The following NCR1 variants were observed in gnomAD, a reference collection of about 807,000 sequenced individuals.
The protein encoded by NCR1 is natural cytotoxicity triggering receptor 1, also known as NK cell-activating receptor.
NCR1 carries 30 observed loss-of-function variants against 32.5 expected under a neutral mutation model. The observed-to-expected ratio is 0.92, with a 90% CI of 0.69 to 1.25. NCR1 has a LOEUF of 1.25. Among genes scored for constraint, NCR1 ranks in the 50% most tolerant of loss-of-function variants. NCR1 has a pLI of 0.00. For missense variants in NCR1, 369 were observed against 380.7 expected, an observed-to-expected ratio of 0.97 and a Z score of 0.26; for synonymous variants, 169 against 143.4, an observed-to-expected ratio of 1.18 and a Z score of -1.28.
At chr19:54,921,772 C>CAAAAAAA in the NCR1 span, among the ~76,000 whole-genome samples, 2 of 93,934 alleles carry the variant, frequency 2.1e-5, no homozygotes, top group Non-Finnish European at 4.2e-5. Flanking sequence ...GACTCCATCT[C>CAAAAAAA]AAAAAAAAAA....
Position 54,913,044 on chromosome 19 carries a change from A to C in NCR1, c.*173A>C. ...ACGATGCAGAGGGTGGGAGAACTAC[A>C]TGCTAAATTTCTTTTTTTTTTTTTT... On this transcript the variant is annotated 3_prime_UTR_variant, in exon 7 of 7. Coordinates refer to ENST00000291890, the MANE Select transcript of NCR1 (RefSeq NM_004829.7). 1 of 532,946 alleles carries C rather than the reference A, an allele frequency of 1.9e-6. No homozygotes were observed. Among genetic ancestry groups the C allele is most frequent in the Non-Finnish European group, 3.1e-6 (1 of 320,910 alleles). The allele number at this position is 532,946 out of a possible 1,614,324, so 33.0% of individuals were successfully genotyped here.
At chr19:54,900,055 G>C in the NCR1 span, among the ~76,000 whole-genome samples, 1 of 152,156 alleles carries the variant, frequency 6.6e-6, no homozygotes, top group Non-Finnish European at 1.5e-5. Context: ...AAATTGGTGA[G>C]ATGTTCCTTG....
At chr19:54,902,751 A>AG (rs1337623765), upstream of NCR1, among the ~76,000 whole-genome samples, 1 of 152,132 alleles carries the variant, frequency 6.6e-6, no homozygotes, top group East Asian at 1.9e-4. Flanking sequence ...AGCGCTCCGT[A>AG]GGGGGAAGGA....
At chr19:54,917,630 C>G (rs1174030446), downstream of NCR1, among the ~76,000 whole-genome samples, 2 of 152,092 alleles carry the variant, frequency 1.3e-5, no homozygotes, top group Non-Finnish European at 2.9e-5. Context: ...TCCTGCACCT[C>G]TCTAGCCTAG....
the NCR1 span, among the ~76,000 whole-genome samples, chr19:54,928,876 C>A: frequency 1.3e-5 from 2 of 151,908 alleles, no homozygotes; most frequent in Non-Finnish European, 2.9e-5. Context: ...GATCTCGGCT[C>A]ACTGCAACCT....
Position 54,906,724 on chromosome 19 carries a change from G to T in NCR1, c.272G>T (p.Arg91Leu), listed in dbSNP as rs114139466. 1.5e-4 allele frequency: 240 copies of T among 1,614,180 alleles called. 1 individual carries two copies. The African/African-American group carries it at 3.0e-3, about 20-fold the overall frequency. Reference sequence around the variant, plus strand: ...TTCTACATCCCGGACATGAACTCCCGCATGGCAGGGCAATACAGCTGCATC... The same window carrying T: ...TTCTACATCCCGGACATGAACTCCCTCATGGCAGGGCAATACAGCTGCATC... ...VQFYIPDMNS[R>L]MAGQYSCIYR... Residue 91 changes from arginine to leucine, a missense_variant, in exon 3 of 7, where the codon CGC becomes CTC. Transcript: ENST00000291890.
At chr19:54,934,796 G>A in the NCR1 span, 191 of 678,338 alleles carry the variant, frequency 2.8e-4, 2 homozygotes, top group Non-Finnish European at 3.9e-4. The surrounding 1 kb of genome is among the most constrained non-coding windows in gnomAD (Gnocchi z 6.7). Flanking sequence ...TGCAGCCTCC[G>A]CCTCCCGGGT....
chr19:54,902,580 A>G (rs1178704745), upstream of NCR1, among the ~76,000 whole-genome samples: 1 of 152,040 alleles, frequency 6.6e-6, no homozygotes. Context: ...AATTCTTTAA[A>G]CTATTTTTGC....
chr19:54,904,038 A>C (rs1022963519), upstream of NCR1, among the ~76,000 whole-genome samples: 3 of 150,856 alleles, frequency 2.0e-5, no homozygotes, highest in Admixed American at 2.0e-4. Flanking sequence ...AGGCAGGAGA[A>C]TTGCTTGAAC....
upstream of NCR1, among the ~76,000 whole-genome samples, chr19:54,903,878 A>T (rs1357282741): frequency 6.6e-6 from 1 of 151,842 alleles, no homozygotes; most frequent in Non-Finnish European, 1.5e-5. Context: ...TAATCCCAGC[A>T]CTTTGAGAGG....
the NCR1 span, among the ~76,000 whole-genome samples, chr19:54,929,319 C>G: frequency 1.1e-4 from 17 of 151,990 alleles, no homozygotes; most frequent in Non-Finnish European, 2.1e-4. Context: ...GAGCCAAGAT[C>G]GCACCACTGC....
rs933666739 is a variant in NCR1, at chr19:54,909,615, A to G, written c.634+92A>G. On this transcript the variant is annotated intron_variant, in intron 4 of 6. Transcript: ENST00000291890. ...CAGAGAGTGATGGGGAGGGTGTCCA[A>G]GGGACGTCCACTTCCTGGGTGCCTG... 4.1e-6 allele frequency: 6 copies of G among 1,450,776 alleles called. No homozygotes were observed. The African/African-American group carries it at 5.6e-5, about 14-fold the overall frequency. 89.9% of individuals were successfully genotyped at this position (1,450,776 alleles called of 1,614,324 possible).
At chr19:54,909,666 G>T in intron 4 of NCR1, 143 bp downstream of exon 4, 2 of 1,017,544 alleles carry the variant, frequency 2.0e-6, no homozygotes, top group Non-Finnish European at 2.8e-6. Context: ...AAGAACACCA[G>T]AAGCAGGAAG....
At chr19:54,907,160 T>C (rs587745892) in intron 3 of NCR1, among the ~76,000 whole-genome samples, 124 of 151,670 alleles carry the variant, frequency 8.2e-4, no homozygotes, top group African/African-American at 2.8e-3. Flanking sequence ...TTTTTTTTTT[T>C]TTTATCTGTT....
the NCR1 span, chr19:54,924,023 A>G: frequency 1.2e-6 from 1 of 808,852 alleles, no homozygotes; most frequent in Non-Finnish European, 2.0e-6. Flanking sequence ...GCTGGGGTAC[A>G]GTGGTGCCAT....
At chr19:54,909,647 C>A (rs1012378749) in intron 4 of NCR1, 124 bp downstream of exon 4, 38 of 1,219,060 alleles carry the variant, frequency 3.1e-5, no homozygotes, top group Non-Finnish European at 3.7e-5. Context: ...CCTGGTTGGT[C>A]ATGTGAGGAA....
chr19:54,921,132 C>T (rs2068236632), downstream of NCR1, among the ~76,000 whole-genome samples: 1 of 152,154 alleles, frequency 6.6e-6, no homozygotes, highest in African/African-American at 2.4e-5. Context: ...ATCTTTGTGT[C>T]TTTATTTTTA....
At chr19:54,911,281 G>A (rs1434838926) in intron 5 of NCR1, among the ~76,000 whole-genome samples, 7 of 151,592 alleles carry the variant, frequency 4.6e-5, no homozygotes, top group African/African-American at 1.2e-4. Context: ...CCCGGGAGAC[G>A]GAGCTTGCAG....
chr19:54,923,160 G>A, the NCR1 span, among the ~76,000 whole-genome samples: 474 of 152,326 alleles, frequency 3.1e-3, 3 homozygotes, highest in Non-Finnish European at 5.6e-3. Context: ...TTTCTGGGAA[G>A]CCTCCGCAGG....
Sources: gnomAD v4.1 joint callset for allele counts (sites outside exome capture counted in the v4.1 genomes callset) on GRCh38, gnomAD v4.1.1 for gene constraint, Gnocchi (gnomAD v3.1) non-coding constraint, MANE v1.5 for transcripts, NCBI Gene and HGNC (gene_info 2026-07-23, HGNC 2026-07-21) for gene names.